The following ASB14 variants were observed in gnomAD, a reference collection of about 807,000 sequenced individuals.
The protein encoded by ASB14 is ankyrin repeat and SOCS box containing 14.
A neutral mutation model predicts 55.6 loss-of-function variants in ASB14; 63 were observed. The ratio of observed to expected loss-of-function variants is 1.13; its 90% CI spans 0.92 to 1.40. ASB14 has a LOEUF of 1.40. Among genes scored for constraint, ASB14 ranks in the 40% most tolerant of loss-of-function variants. The pLI is 0.00. For synonymous variants in ASB14, 256 were observed against 259.9 expected (o/e 0.98, Z 0.15); for missense variants, 724 against 710.4 (o/e 1.02, Z -0.22).
intron 10 of ASB14, chr3:57,273,408 TTG>T (rs2060960739): frequency 6.6e-6 from 1 of 152,426 alleles, no homozygotes; most frequent in Non-Finnish European, 1.5e-5. Flanking sequence ...AGGAAAAAAG[TTG>T]TTAGAAGATT....
Position 57,289,125 on chromosome 3 carries a change from T to C in ASB14, c.123-2A>G. On this transcript the variant is annotated splice_acceptor_variant, in intron 2 of 10. Transcript: ENST00000487349. LOFTEE classifies it high-confidence loss of function. ...TCAGCGCTCAAAAAGGAATGCAAAC[T>C]GCAAAGAAAAAAATACATATGTAAT... 6.6e-7 allele frequency: 1 copy of C among 1,524,550 alleles called. No homozygotes were observed. Among genetic ancestry groups the C allele is most frequent in the African/African-American group, 1.4e-5 (1 of 72,794 alleles). 94.4% of individuals were successfully genotyped at this position (1,524,550 alleles called of 1,614,324 possible). A position where few individuals can be genotyped will look rare whatever the true frequency, so the allele number is the denominator to read the frequency against.
Position 57,276,664 on chromosome 3 carries a change from A to G in ASB14, c.1650T>C (p.His550=). ...ATGACATGAAGACAGGGCAGCGCAA[A>G]TGTAACCGTCCCATGCATTTCCGGA... ...LKIRKCMGRL[H]LRCPVFMSFL... Residue 550 remains histidine, a synonymous_variant, in exon 10 of 11, where the codon CAT becomes CAC. Transcript: ENST00000487349. 1.2e-6 allele frequency: 2 copies of G among 1,614,114 alleles called. No homozygotes were observed. The highest frequency in any genetic ancestry group is 1.7e-6 in the Non-Finnish European group (2 of 1,179,960).
At chr3:57,285,914 CT>C (rs2061077451) in intron 5 of ASB14, among the ~76,000 whole-genome samples, 1 of 152,142 alleles carries the variant, frequency 6.6e-6, no homozygotes, top group Non-Finnish European at 1.5e-5. Flanking sequence ...GGATGCCAAA[CT>C]TTTGTTTTTC....
chr3:57,280,163 C>CAAA (rs138493152), intron 7 of ASB14, 139 bp downstream of exon 7: 26,429 of 212,272 alleles, frequency 0.12, 2,428 homozygotes, highest in African/African-American at 0.21. Flanking sequence ...GACAGCATCT[C>CAAA]AAAAAAAAAA....
intron 7 of ASB14, among the ~76,000 whole-genome samples, chr3:57,279,707 T>C (rs2061023128): frequency 6.6e-6 from 1 of 151,884 alleles, no homozygotes; most frequent in Non-Finnish European, 1.5e-5. Context: ...GTGGGAAATA[T>C]TATTAAAATT....
chr3:57,274,418 C>T (rs1055667451), intron 10 of ASB14, among the ~76,000 whole-genome samples: 1 of 152,228 alleles, frequency 6.6e-6, no homozygotes, highest in African/African-American at 2.4e-5. Context: ...CACACTGGCT[C>T]ATGCCTGTAA....
chr3:57,283,400 A>G lies in ASB14; in HGVS notation c.509T>C (p.Ile170Thr), dbSNP rs992365228. ...RDCYDMAALL[I>T]NYGADVNLRC... ...CAGATTGACATCTGCTCCATAGTTG[A>G]TCAGCAAGGCAGCCATGTCATAGCA... Residue 170 changes from isoleucine (I) to threonine (T), a missense_variant, in exon 6 of 11, where the codon ATC becomes ACC. Transcript: ENST00000487349. 3 of 1,551,482 alleles carry G rather than the reference A, an allele frequency of 1.9e-6. No homozygotes were observed. The highest frequency in any genetic ancestry group is 2.6e-6 in the Non-Finnish European group (3 of 1,146,934).
chr3:57,278,283 C>T, intron 8 of ASB14, 94 bp downstream of exon 8: 2 of 953,786 alleles, frequency 2.1e-6, no homozygotes, highest in Non-Finnish European at 3.2e-6. Flanking sequence ...TTCAACCAAG[C>T]CTCTGGAGAG....
At chr3:57,290,144 A>C (rs890323021) in intron 2 of ASB14, among the ~76,000 whole-genome samples, 1 of 152,234 alleles carries the variant, frequency 6.6e-6, no homozygotes, top group Admixed American at 6.5e-5. Flanking sequence ...ACAATAATAA[A>C]ACAAATTTAT....
chr3:57,288,578 C>G (rs1317720154), intron 3 of ASB14, among the ~76,000 whole-genome samples: 11 of 152,072 alleles, frequency 7.2e-5, no homozygotes, highest in Non-Finnish European at 1.5e-5. Flanking sequence ...CCCAGAAAAG[C>G]CTACATCAGA....
rs2061002358 is a variant in ASB14 at position 57,277,824 on chromosome 3, T to C, written c.1528A>G (p.Lys510Glu). The C allele has an allele frequency of 1.2e-6, 2 of 1,613,846 alleles. No individual in the cohort carries two copies. The highest frequency in any genetic ancestry group is 1.7e-5 in the Admixed American group (1 of 59,970). ...TGTTTTTGGAGCACAGCTTTCAACT[T>C]TGAACAGATCCGAACTTGATCAACA... ...DYVDQVRICSKLKAVLQKQGI... is the reference protein window; with the variant it reads ...DYVDQVRICSELKAVLQKQGI... Residue 510 changes from lysine (K) to glutamate (E), a missense_variant, in exon 9 of 11, where the codon AAG becomes GAG. Lys to Glu is a moderately conservative substitution (Grantham distance 56). Transcript: ENST00000487349.
rs759592385 is a variant in ASB14 at position 57,277,856 on chromosome 3, A to G, written c.1496T>C (p.Leu499Pro). The change falls in exon 9 of 11, where the codon CTT (leucine) becomes CCT (proline). Residue 499 changes from leucine (L) to proline (P), a missense_variant. Leu to Pro is a moderately conservative substitution (Grantham distance 98). Coordinates refer to ENST00000487349, the MANE Select transcript of ASB14 (RefSeq NM_001142733.3). Reference sequence around the variant, plus strand: ...GATCCGAACTTGATCAACATAATCAAGCATCACTCGAACAACCTTTCCAGA... The same window carrying G: ...GATCCGAACTTGATCAACATAATCAGGCATCACTCGAACAACCTTTCCAGA... ...HLSGKVVRVM[L>P]DYVDQVRICS... The G allele has an allele frequency of 6.2e-7, 1 of 1,614,010 alleles. No individual in the cohort carries two copies. The highest frequency in any genetic ancestry group is 1.1e-5 in the South Asian group (1 of 91,070).
chr3:57,288,608 G>C (rs1242255928), intron 3 of ASB14, among the ~76,000 whole-genome samples: 1 of 151,516 alleles, frequency 6.6e-6, no homozygotes, highest in Non-Finnish European at 1.5e-5. Flanking sequence ...ATCAGCTGTG[G>C]ACCCCTGTAG....
intron 5 of ASB14, among the ~76,000 whole-genome samples, chr3:57,284,941 G>GTT (rs10648367): frequency 0.12 from 16,475 of 132,074 alleles, 1,327 homozygotes; most frequent in Non-Finnish European, 0.14. Context: ...TTTCAGTGTT[G>GTT]TTTTTTTTTT....
intron 10 of ASB14, among the ~76,000 whole-genome samples, chr3:57,274,756 G>A (rs1465413265): frequency 2.0e-5 from 3 of 152,066 alleles, no homozygotes; most frequent in African/African-American, 4.8e-5. Context: ...AACTGCCATC[G>A]GTGAGCCTCT....
At chr3:57,280,506 AT>A in intron 6 of ASB14, 33 bp from the exon 7 acceptor site, 1 of 1,520,316 alleles carries the variant, frequency 6.6e-7, no homozygotes, top group Non-Finnish European at 8.9e-7. Flanking sequence ...TAATGCAAAA[AT>A]TATTTTCCAC....
chr3:57,269,891 A>G (rs866569656), intron 10 of ASB14: 10 of 468,350 alleles, frequency 2.1e-5, no homozygotes, highest in East Asian at 1.4e-4. Context: ...ATAATGTACT[A>G]TGTATTAACA....
chr3:57,280,033 CTT>C (rs1559521753), intron 7 of ASB14, among the ~76,000 whole-genome samples: 1 of 151,952 alleles, frequency 6.6e-6, no homozygotes, highest in Non-Finnish European at 1.5e-5. Flanking sequence ...TGCTACAACT[CTT>C]TCTTTGAGCA....
intron 10 of ASB14, chr3:57,269,885 T>G: frequency 1.8e-6 from 1 of 545,740 alleles, no homozygotes; most frequent in Non-Finnish European, 3.1e-6. Flanking sequence ...TTAAACATAA[T>G]GTACTATGTA....
Sources: gnomAD v4.1 joint callset for allele counts (sites outside exome capture counted in the v4.1 genomes callset) on GRCh38, gnomAD v4.1.1 for gene constraint, MANE v1.5 for transcripts, NCBI Gene and HGNC (gene_info 2026-07-23, HGNC 2026-07-21) for gene names.